PAK1: variants seen among roughly 807,000 people sequenced by gnomAD.
PAK1 encodes p21 (RAC1) activated kinase 1, also known as serine/threonine-protein kinase PAK 1.
Under a neutral mutation model 67.4 loss-of-function variants are expected in PAK1, and 29 were observed. The observed-to-expected ratio is 0.43, with a 90% confidence interval of 0.32 to 0.59. PAK1 has a LOEUF of 0.59. PAK1 is among the 20% of genes least tolerant of loss of function. The probability of loss-of-function intolerance (pLI) is 0.07; values close to 1 mark genes in which losing one functional copy is unlikely to be tolerated. For missense variants in PAK1, 337 were observed against 670.7 expected (o/e 0.50, Z 5.50); for synonymous variants, 223 against 237.4 (o/e 0.94, Z 0.56).
At chr11:77,362,967 A>G (rs1947005743) in intron 5 of PAK1, among the ~76,000 whole-genome samples, 1 of 152,174 alleles carries the variant, frequency 6.6e-6, no homozygotes, top group Non-Finnish European at 1.5e-5. Context: ...GGTTTTTTTC[A>G]TATCCTATAA....
At chr11:77,383,705 A>C (rs1442645096) in intron 2 of PAK1, among the ~76,000 whole-genome samples, 2 of 152,178 alleles carry the variant, frequency 1.3e-5, no homozygotes, top group African/African-American at 4.8e-5. Context: ...GCAGGAATAC[A>C]GGAGAGAAAT....
rs532565275 is a variant in PAK1, at chr11:77,336,991, T to C, written c.1216+333A>G. ...CTGAATAACTGAATGAAAGAAATTATACAAAACTCTTTTTTCTAATTATCT... is the reference window on the plus strand; with the variant it reads ...CTGAATAACTGAATGAAAGAAATTACACAAAACTCTTTTTTCTAATTATCT... On this transcript the variant is annotated intron_variant, in intron 12 of 14. Transcript: ENST00000356341. Among the ~76,000 whole-genome samples the C allele has an allele frequency of 4.0e-5, 6 of 151,776 alleles. No individual in the cohort carries two copies. The South Asian group carries it at 8.3e-4, about 21-fold the overall frequency.
At chr11:77,418,096 C>A (rs905176595) in intron 1 of PAK1, among the ~76,000 whole-genome samples, 1 of 152,144 alleles carries the variant, frequency 6.6e-6, no homozygotes, top group South Asian at 2.1e-4. Context: ...AAAATAAAAT[C>A]TATTAAAATA....
intron 1 of PAK1, among the ~76,000 whole-genome samples, chr11:77,393,957 C>T (rs373150996): frequency 1.3e-5 from 2 of 152,120 alleles, no homozygotes; most frequent in Admixed American, 6.5e-5. Context: ...GAACCAAGAT[C>T]GCACCACTGT....
intron 1 of PAK1, among the ~76,000 whole-genome samples, chr11:77,458,313 CAT>C (rs923558160): frequency 6.6e-6 from 1 of 152,202 alleles, no homozygotes; most frequent in Non-Finnish European, 1.5e-5. Context: ...GCTTTCAAAA[CAT>C]ATCGATAAGA....
chr11:77,411,701 ACT>A (rs914593671), intron 1 of PAK1: 5 of 151,768 alleles, frequency 3.3e-5, no homozygotes, highest in African/African-American at 9.7e-5. Context: ...CCGTGTCACC[ACT>A]CTCCGAAAGC....
intron 1 of PAK1, among the ~76,000 whole-genome samples, chr11:77,436,335 C>T (rs1414189416): frequency 3.3e-5 from 5 of 152,196 alleles, no homozygotes; most frequent in Admixed American, 6.5e-5. Flanking sequence ...GCTAAGACCA[C>T]AGAGCAAAAT....
At chr11:77,335,673 C>T (rs1192551757) in intron 13 of PAK1, among the ~76,000 whole-genome samples, 2 of 152,120 alleles carry the variant, frequency 1.3e-5, no homozygotes, top group Non-Finnish European at 2.9e-5. Flanking sequence ...CACATTACTC[C>T]TCAGCTCAAA....
chr11:77,468,395 T>A (rs1013773711), intron 1 of PAK1, among the ~76,000 whole-genome samples: 2 of 152,174 alleles, frequency 1.3e-5, no homozygotes, highest in African/African-American at 4.8e-5. Context: ...GCCTAGCATA[T>A]ACATGACTTT....
At chr11:77,469,057 C>G (rs141502782) in intron 1 of PAK1, among the ~76,000 whole-genome samples, 2 of 151,874 alleles carry the variant, frequency 1.3e-5, no homozygotes, top group East Asian at 3.9e-4. Flanking sequence ...AATACACACA[C>G]AAAAAAAACA....
At chr11:77,475,901 G>C (rs1487313859), upstream of PAK1, 1 of 152,248 alleles carries the variant, frequency 6.6e-6, no homozygotes, top group Non-Finnish European at 1.5e-5. Flanking sequence ...GCCAGGCGCG[G>C]TGGCTCACGC....
chr11:77,342,883 A>G (rs1298062087), intron 10 of PAK1, among the ~76,000 whole-genome samples: 1 of 41,514 alleles, frequency 2.4e-5, no homozygotes, highest in African/African-American at 1.4e-4. Context: ...CAAGAAGCTT[A>G]ACTTTTTTTT....
chr11:77,371,509 G>A (rs1381074705), intron 5 of PAK1, among the ~76,000 whole-genome samples: 10 of 152,164 alleles, frequency 6.6e-5, no homozygotes, highest in Admixed American at 6.5e-4. Flanking sequence ...TGAATGCTCA[G>A]GAGAGCAGAA....
chr11:77,408,532 T>TACACATACACACAC (rs1555167878), intron 1 of PAK1, among the ~76,000 whole-genome samples: 9 of 137,846 alleles, frequency 6.5e-5, no homozygotes, highest in Admixed American at 5.2e-4. Context: ...TATGGAGAAA[T>TACACATACACACAC]ACACACACAC....
At chr11:77,490,298 A>AACCGCCCG in the PAK1 span, among the ~76,000 whole-genome samples, 1 of 79,892 alleles carries the variant, frequency 1.3e-5, no homozygotes, top group African/African-American at 6.6e-5. Context: ...CAGCCCCCCC[A>AACCGCCCG]CCCGGCCAGC....
chr11:77,389,961 A>C (rs193143392), intron 2 of PAK1, among the ~76,000 whole-genome samples: 1 of 152,356 alleles, frequency 6.6e-6, no homozygotes, highest in African/African-American at 2.4e-5. Context: ...ACATGTAGAC[A>C]CTTGGGCTGA....
rs1938601317 is a variant in PAK1 at position 77,322,101 on chromosome 11, A to G, written c.*1173T>C. ...ACCTCAGAGCATGAGAAGGTAGTCA[A>G]TGGGGCTGACATGACAAGCCACAAT... On this transcript the variant is annotated 3_prime_UTR_variant, in exon 15 of 15. Coordinates refer to ENST00000356341, the MANE Select transcript of PAK1 (RefSeq NM_002576.5). 3 of 218,956 alleles carry G rather than the reference A, an allele frequency of 1.4e-5. No individual in the cohort carries two copies. The highest frequency in any genetic ancestry group is 5.8e-5 in the Admixed American group (1 of 17,276). The allele number at this position is 218,956 out of a possible 1,614,324, so 13.6% of individuals were successfully genotyped here.
chr11:77,439,493 C>T (rs896210880), intron 1 of PAK1, among the ~76,000 whole-genome samples: 1 of 152,162 alleles, frequency 6.6e-6, no homozygotes, highest in Non-Finnish European at 1.5e-5. Flanking sequence ...AGAGAGAGTT[C>T]AAACATGGGT....
the PAK1 span, among the ~76,000 whole-genome samples, chr11:77,485,600 C>T: frequency 0.21 from 32,098 of 152,064 alleles, 7,728 homozygotes; most frequent in African/African-American, 0.59. Context: ...CTCAGCCTCC[C>T]GAGTAGCTGA....
Sources: gnomAD v4.1 joint callset for allele counts (sites outside exome capture counted in the v4.1 genomes callset) on GRCh38, gnomAD v4.1.1 for gene constraint, MANE v1.5 for transcripts, NCBI Gene and HGNC (gene_info 2026-07-23, HGNC 2026-07-21) for gene names.